DDRGK1: variants seen among roughly 807,000 people sequenced by gnomAD.
DDRGK1 encodes DDRGK domain containing 1.
DDRGK1 carries 38 observed loss-of-function variants against 45.8 expected under a neutral mutation model. The ratio of observed to expected loss-of-function variants is 0.83; its 90% confidence interval spans 0.64 to 1.09. The LOEUF is 1.09. Ranked by LOEUF, DDRGK1 falls within the 50% of genes least tolerant of loss-of-function variation. DDRGK1 has a pLI of 0.00. For synonymous variants in DDRGK1, 171 were observed against 168.7 expected (o/e 1.01, Z -0.11); for missense variants, 403 against 419.9 (o/e 0.96, Z 0.35).
rs542080578 is a variant in DDRGK1 at position 3,200,361 on chromosome 20, G to A, written c.389C>T (p.Ala130Val). 14 of 1,571,218 alleles carry A rather than the reference G, an allele frequency of 8.9e-6. No individual in the cohort carries two copies. The East Asian group carries it at 1.6e-4, about 18-fold the overall frequency. ...KKLRKLEEKQ[A>V]RKAQREAEEA... ...GCTTGCCTCACGCTGGGCCTTTCGCGCTTGTTTCTCCTCCAGCTTCCGCAG... is the reference window on the plus strand; with the variant it reads ...GCTTGCCTCACGCTGGGCCTTTCGCACTTGTTTCTCCTCCAGCTTCCGCAG... The change falls in exon 3 of 9, where the codon GCG becomes GTG. Residue 130 changes from alanine to valine, a missense_variant. Transcript: ENST00000354488.
intron 4 of DDRGK1, 80 bp downstream of exon 4, chr20:3,199,921 G>A (rs1195590888): frequency 1.5e-6 from 2 of 1,322,492 alleles, no homozygotes; most frequent in South Asian, 1.5e-5. Flanking sequence ...TTCTAGGTTG[G>A]AGGTGCCAGG....
intron 2 of DDRGK1, among the ~76,000 whole-genome samples, chr20:3,201,731 C>G (rs890878995): frequency 6.7e-6 from 1 of 150,256 alleles, no homozygotes; most frequent in African/African-American, 2.4e-5. Flanking sequence ...GATCTCGGCT[C>G]GCTGCAAGCA....
At chr20:3,192,986 CAG>C (rs1460577910) in intron 6 of DDRGK1, among the ~76,000 whole-genome samples, 1 of 152,186 alleles carries the variant, frequency 6.6e-6, no homozygotes, top group African/African-American at 2.4e-5. Context: ...CTCTCAGTGA[CAG>C]TGTGGTGCGA....
chr20:3,197,115 C>T (rs985705374), intron 4 of DDRGK1, among the ~76,000 whole-genome samples: 5 of 149,668 alleles, frequency 3.3e-5, no homozygotes, highest in Non-Finnish European at 5.9e-5. Flanking sequence ...CCCAGCTACT[C>T]GAGAGGCTGA....
In DDRGK1 at chr20:3,194,862, T is replaced by A. The variant is rs1183324882; in HGVS notation, c.640A>T (p.Ser214Cys). Residue 214 changes from serine (S) to cysteine (C), a missense_variant, in exon 6 of 9, where the codon AGC (serine) becomes TGC (cysteine). Transcript: ENST00000354488. ...TAGTTGATGAACTCTGTCAGGAAGC[T>A]CTGGGACTAGAGAAGCAGAGAAATC... Reference protein sequence around the residue: ...GETMTEEQSQSFLTEFINYIK... With the variant: ...GETMTEEQSQCFLTEFINYIK... The A allele has an allele frequency of 2.5e-6, 4 of 1,614,006 alleles. No homozygotes were observed. The highest frequency in any genetic ancestry group is 3.4e-6 in the Non-Finnish European group (4 of 1,179,992).
intron 6 of DDRGK1, among the ~76,000 whole-genome samples, chr20:3,194,115 C>G (rs551915885): frequency 6.6e-5 from 10 of 152,292 alleles, no homozygotes; most frequent in South Asian, 4.1e-4. Flanking sequence ...AAACCCTGCT[C>G]TCTTTCAGGA....
chr20:3,198,979 C>CA lies in DDRGK1; in HGVS notation c.510+1021dup, dbSNP rs386393118. Among the ~76,000 whole-genome samples, 83 of 115,108 alleles carry CA rather than the reference C, an allele frequency of 7.2e-4. 1 individual carries two copies. Among genetic ancestry groups the CA allele is most frequent in the East Asian group, 4.5e-3 (17 of 3,786 alleles). The allele number at this position is 115,108 out of a possible 152,430, so 75.5% of individuals were successfully genotyped here. A position where few individuals can be genotyped will look rare whatever the true frequency, so the allele number is the denominator to read the frequency against. ...AAACACGGTGAAACCCAATCTCTAC[C>CA]AAAAAAAAAAAAAAAAAATTAGCCA... On this transcript the variant is annotated intron_variant, in intron 4 of 8. Transcript: ENST00000354488.
At chr20:3,191,119 C>A (rs778980641) in intron 8 of DDRGK1, 71 bp downstream of exon 8, 7 of 1,588,486 alleles carry the variant, frequency 4.4e-6, no homozygotes, top group Non-Finnish European at 6.0e-6. Context: ...CTCTGCAGCA[C>A]ATCCCTGCAG....
intron 2 of DDRGK1, among the ~76,000 whole-genome samples, 180 bp downstream of exon 2, chr20:3,203,033 G>A (rs1232522869): frequency 6.6e-6 from 1 of 151,980 alleles, no homozygotes; most frequent in Admixed American, 6.6e-5. Context: ...ATGAAGGTAG[G>A]GGGGGTTGAC....
rs60867959 is a variant in DDRGK1, at chr20:3,201,287, CA to C, written c.296-834del. Among the ~76,000 whole-genome samples, 438 of 94,432 alleles carry C rather than the reference CA, an allele frequency of 4.6e-3. 3 individuals are homozygous for C. Among genetic ancestry groups the C allele is most frequent in the African/African-American group, 0.013 (311 of 23,728 alleles). The allele number at this position is 94,432 out of a possible 152,430, so 62.0% of individuals were successfully genotyped here. A position where few individuals can be genotyped will look rare whatever the true frequency, so the allele number is the denominator to read the frequency against. On this transcript the variant is annotated intron_variant, in intron 2 of 8. Coordinates refer to ENST00000354488, the MANE Select transcript of DDRGK1 (RefSeq NM_023935.3). ...TGGGCGACAGAGCGAGACTCTGTCT[CA>C]AAAAAAAAAAAAAAAAAAAAATTAG...
chr20:3,200,533 TC>T, intron 2 of DDRGK1, 79 bp from the exon 3 acceptor site: 4 of 1,307,828 alleles, frequency 3.1e-6, no homozygotes, highest in Non-Finnish European at 4.3e-6. Context: ...CCCTCGTCCC[TC>T]CCCTAACAGG....
intron 2 of DDRGK1, among the ~76,000 whole-genome samples, chr20:3,201,944 G>A (rs2067041950): frequency 6.6e-6 from 1 of 150,728 alleles, no homozygotes; most frequent in African/African-American, 2.4e-5. Context: ...TTACAGGCGT[G>A]AGCCACCATG....
chr20:3,200,351 G>A lies in DDRGK1; in HGVS notation c.399C>T (p.Ala133=), dbSNP rs1334741366. ...CATCCCTCCGGCTTGCCTCACGCTG[G>A]GCCTTTCGCGCTTGTTTCTCCTCCA... ...RKLEEKQARK[A]QREAEEAERE... The change falls in exon 3 of 9, where the codon GCC becomes GCT. Residue 133 remains alanine, a synonymous_variant. Coordinates refer to ENST00000354488, the MANE Select transcript of DDRGK1 (RefSeq NM_023935.3). 1 of 1,565,196 alleles carries A rather than the reference G, an allele frequency of 6.4e-7. No individual in the cohort carries two copies.
At chr20:3,200,180 G>A in intron 3 of DDRGK1, 78 bp from the exon 4 acceptor site, 1 of 1,537,282 alleles carries the variant, frequency 6.5e-7, no homozygotes, top group Non-Finnish European at 8.8e-7. Context: ...ACTAGGGAAG[G>A]CAATGCCTGG....
At chr20:3,204,491 C>T (rs1272499894) in intron 1 of DDRGK1, 46 bp downstream of exon 1, 2 of 1,528,512 alleles carry the variant, frequency 1.3e-6, no homozygotes, top group Admixed American at 2.0e-5. Context: ...GCTCAGAAGG[C>T]CAGAAAACCC....
chr20:3,200,412 A>C lies in DDRGK1; in HGVS notation c.338T>G (p.Leu113Arg). Reference sequence around the variant, plus strand: ...TTTCTTAGCTCCAATTTTCCCCGACAGGTGAGTTTCCGCTGGCTTCTCGAC... The same window carrying C: ...TTTCTTAGCTCCAATTTTCCCCGACCGGTGAGTTTCCGCTGGCTTCTCGAC... ...EGVEKPAETHLSGKIGAKKLR... is the reference protein window; with the variant it reads ...EGVEKPAETHRSGKIGAKKLR... The change falls in exon 3 of 9, where the codon CTG (leucine) becomes CGG (arginine). Residue 113 changes from leucine to arginine, a missense_variant. Transcript: ENST00000354488. 1 of 1,585,168 alleles carries C rather than the reference A, an allele frequency of 6.3e-7. No individual in the cohort carries two copies.
chr20:3,198,556 C>T (rs1368338451), intron 4 of DDRGK1, among the ~76,000 whole-genome samples: 14 of 150,098 alleles, frequency 9.3e-5, no homozygotes, highest in African/African-American at 2.9e-4. Flanking sequence ...CAAAATTAGC[C>T]GGGCGTGGTG....
At chr20:3,199,518 T>G (rs1473316429) in intron 4 of DDRGK1, among the ~76,000 whole-genome samples, 1 of 152,144 alleles carries the variant, frequency 6.6e-6, no homozygotes, top group Non-Finnish European at 1.5e-5. Flanking sequence ...GGTGTTCTCT[T>G]TTTGGGAAAC....
chr20:3,204,518 G>T lies in DDRGK1; in HGVS notation c.91+19C>A. 1.3e-6 allele frequency: 2 copies of T among 1,548,220 alleles called. No homozygotes were observed. Among genetic ancestry groups the T allele is most frequent in the Non-Finnish European group, 1.7e-6 (2 of 1,153,156 alleles). The stretch of plus-strand genomic sequence containing the variant: ...AGAAAACCCGGTACCACCAACCCTG[G>T]TGCAGCGGCATCTCCTACCTGATGC... On this transcript the variant is annotated intron_variant, in intron 1 of 8. Coordinates refer to ENST00000354488, the MANE Select transcript of DDRGK1 (RefSeq NM_023935.3).
Sources: allele counts gnomAD v4.1 joint callset (sites outside exome capture counted in the v4.1 genomes callset), GRCh38; gene constraint gnomAD v4.1.1; transcripts MANE v1.5; gene names NCBI Gene and HGNC (gene_info 2026-07-23, HGNC 2026-07-21).